CDH3: variants seen among roughly 807,000 people sequenced by gnomAD.
The protein encoded by CDH3 is cadherin-3.
CDH3 carries 54 observed loss-of-function variants against 82.0 expected under a neutral mutation model. The ratio of observed to expected loss-of-function variants is 0.66; its 90% confidence interval spans 0.53 to 0.83. The LOEUF (loss-of-function observed/expected upper bound fraction) is 0.83, where lower values mean the gene tolerates loss of function less well. CDH3 is among the 40% of genes least tolerant of loss of function. CDH3 has a pLI of 0.00. For synonymous variants in CDH3, 446 were observed against 437.9 expected (o/e 1.02, Z -0.23); for missense variants, 1,054 against 1,084.6 (o/e 0.97, Z 0.40).
chr16:68,684,388 A>G (rs1961337422), intron 9 of CDH3, among the ~76,000 whole-genome samples, 195 bp from the exon 10 acceptor site: 1 of 152,114 alleles, frequency 6.6e-6, no homozygotes, highest in African/African-American at 2.4e-5. Flanking sequence ...TACTTTTAGG[A>G]TGGTCTGAGA....
chr16:68,709,850 G>T (rs1337515356), intron 1 of CDH3, among the ~76,000 whole-genome samples: 1 of 152,124 alleles, frequency 6.6e-6, no homozygotes, highest in East Asian at 1.9e-4. Flanking sequence ...TTTATTGACT[G>T]CCCATGCTGA....
At chr16:68,730,964 G>A (rs1358944964), downstream of CDH3, among the ~76,000 whole-genome samples, 1 of 131,910 alleles carries the variant, frequency 7.6e-6, no homozygotes, top group East Asian at 2.3e-4. Flanking sequence ...AGGTTGTGGT[G>A]AGCCAAGATT....
At chr16:68,651,573 G>A (rs1050515820) in intron 2 of CDH3, 11 of 488,098 alleles carry the variant, frequency 2.3e-5, no homozygotes, top group South Asian at 5.0e-5. Context: ...GGCCTTCCCC[G>A]CCAGGGCAAG....
chr16:68,718,306 C>CT (rs1293003178), intron 1 of CDH3, among the ~76,000 whole-genome samples: 4 of 151,434 alleles, frequency 2.6e-5, no homozygotes, highest in African/African-American at 9.7e-5. Flanking sequence ...ACTGGCTAAA[C>CT]TTTTTTTGTG....
downstream of CDH3, among the ~76,000 whole-genome samples, chr16:68,703,533 A>C (rs935155595): frequency 5.9e-5 from 9 of 152,196 alleles, no homozygotes; most frequent in African/African-American, 2.2e-4. Flanking sequence ...GGCAGAACCC[A>C]CCTTCTGGCC....
chr16:68,669,346 A>T (rs758680918), intron 2 of CDH3, among the ~76,000 whole-genome samples: 6 of 152,124 alleles, frequency 3.9e-5, no homozygotes, highest in Non-Finnish European at 8.8e-5. Context: ...TTTAGAGCTG[A>T]TGGGGCCAGC....
chr16:68,682,160 C>A, intron 8 of CDH3, 142 bp from the exon 9 acceptor site: 1 of 885,346 alleles, frequency 1.1e-6, no homozygotes, highest in Non-Finnish European at 1.8e-6. Context: ...CTGTGTATAC[C>A]CTGAAACCCC....
chr16:68,717,494 C>T (rs1049254417), intron 1 of CDH3, among the ~76,000 whole-genome samples: 4 of 152,098 alleles, frequency 2.6e-5, no homozygotes, highest in South Asian at 2.1e-4. Context: ...TAGGTCAGGC[C>T]GAGCGCGGTG....
intron 2 of CDH3, among the ~76,000 whole-genome samples, chr16:68,668,369 G>C (rs997490551): frequency 1.3e-5 from 2 of 152,092 alleles, no homozygotes; most frequent in African/African-American, 2.4e-5. Context: ...TAAAAGATGG[G>C]GTAAAGGAGG....
intron 1 of CDH3, among the ~76,000 whole-genome samples, chr16:68,714,349 T>C (rs755163323): frequency 4.6e-5 from 7 of 152,174 alleles, no homozygotes; most frequent in Non-Finnish European, 1.0e-4. Flanking sequence ...GAAATCGGAA[T>C]TGAAATCCAG....
At chr16:68,658,608 C>A (rs998094951) in intron 2 of CDH3, among the ~76,000 whole-genome samples, 1 of 152,136 alleles carries the variant, frequency 6.6e-6, no homozygotes, top group Non-Finnish European at 1.5e-5. Context: ...TAACTTCAGG[C>A]AGGGGAGAAA....
chr16:68,720,241 A>G (rs887281067), intron 1 of CDH3, among the ~76,000 whole-genome samples: 2 of 151,932 alleles, frequency 1.3e-5, no homozygotes, highest in Non-Finnish European at 2.9e-5. Flanking sequence ...ATGCAAACTA[A>G]TTTTTTTTAA....
At chr16:68,715,715 G>A (rs1229715509) in intron 1 of CDH3, among the ~76,000 whole-genome samples, 1 of 152,192 alleles carries the variant, frequency 6.6e-6, no homozygotes, top group Non-Finnish European at 1.5e-5. Context: ...GGAGGTCCTG[G>A]GAATGGTTAA....
downstream of CDH3, among the ~76,000 whole-genome samples, chr16:68,703,320 G>A (rs1379493878): frequency 5.9e-5 from 9 of 152,226 alleles, no homozygotes; most frequent in African/African-American, 1.4e-4. Flanking sequence ...ACTCACTTCC[G>A]GGCCCACAAA....
intron 15 of CDH3, 27 bp downstream of exon 15, chr16:68,695,950 C>T: frequency 6.2e-7 from 1 of 1,612,334 alleles, no homozygotes; most frequent in Non-Finnish European, 8.5e-7. Context: ...CAGTCGAGGG[C>T]CACCCTTTAT....
rs754248373 is a variant in CDH3, at chr16:68,684,870, G to A, written c.1424+46G>A. 1.9e-6 allele frequency: 3 copies of A among 1,611,758 alleles called. No individual in the cohort carries two copies. The African/African-American group carries it at 4.0e-5, about 22-fold the overall frequency. On this transcript the variant is annotated intron_variant, in intron 10 of 15. Coordinates refer to ENST00000264012, the MANE Select transcript of CDH3 (RefSeq NM_001793.6). Reference sequence around the variant, plus strand: ...GTAAGCAGCACGTACTGGTACAGTTGGTGGGTGGGTGATCATGGCCAACGT... The same window carrying A: ...GTAAGCAGCACGTACTGGTACAGTTAGTGGGTGGGTGATCATGGCCAACGT...
Position 68,659,907 on chromosome 16 carries a change from T to C in CDH3, c.160+14157T>C, listed in dbSNP as rs116221641. ...TACAAATGTTACTCTGCAGCTCGCT[T>C]TTTAACTTAGAATCACAGGCATCTT... On this transcript the variant is annotated intron_variant, in intron 2 of 15. Coordinates refer to ENST00000264012, the MANE Select transcript of CDH3 (RefSeq NM_001793.6). Among the ~76,000 whole-genome samples, 473 of 152,278 alleles carry C rather than the reference T, an allele frequency of 3.1e-3. 6 individuals are homozygous for C. The highest frequency in any genetic ancestry group is 0.02 in the East Asian group (105 of 5,186).
chr16:68,726,506 T>A (rs1399501743), intron 2 of CDH3, among the ~76,000 whole-genome samples: 1 of 151,878 alleles, frequency 6.6e-6, no homozygotes, highest in Non-Finnish European at 1.5e-5. Flanking sequence ...CTTAGTGGAA[T>A]AGCACAGAGA....
chr16:68,724,914 G>A lies in CDH3; in HGVS notation c.*46-2239G>A, dbSNP rs562099828. ...GCAGGGAGTGGTTTCATTGGCTGCCGAGCCAGCAGAGGGTTGGTTGGGGAA... is the reference window on the plus strand; with the variant it reads ...GCAGGGAGTGGTTTCATTGGCTGCCAAGCCAGCAGAGGGTTGGTTGGGGAA... On this transcript the variant is annotated intron_variant, in intron 2 of 2. Transcript: ENST00000569080. Among the ~76,000 whole-genome samples, 123 of 152,222 alleles carry A rather than the reference G, an allele frequency of 8.1e-4. 1 individual carries two copies. The highest frequency in any genetic ancestry group is 5.7e-4 in the Non-Finnish European group (39 of 68,016).
Sources: allele counts gnomAD v4.1 joint callset (sites outside exome capture counted in the v4.1 genomes callset), GRCh38; gene constraint gnomAD v4.1.1; transcripts MANE v1.5; gene names NCBI Gene and HGNC (gene_info 2026-07-23, HGNC 2026-07-21).